Variants in FAAH2 observed in about 807,000 individuals in gnomAD.
FAAH2 encodes fatty-acid amide hydrolase 2.
Under a neutral mutation model 36.9 loss-of-function variants are expected in FAAH2, and 60 were observed. That is an observed-to-expected ratio of 1.63 (90% CI 1.32 to 2.02). The LOEUF is 2.02. Among genes scored for constraint, FAAH2 ranks in the 30% most tolerant of loss-of-function variants. The probability of loss-of-function intolerance (pLI) is 0.00; values close to 1 mark genes in which losing one functional copy is unlikely to be tolerated. For synonymous variants in FAAH2, 214 were observed against 143.8 expected (o/e 1.49, Z -3.49); for missense variants, 689 against 397.5 (o/e 1.73, Z -6.23).
chrX:57,432,135 T>A, intron 8 of FAAH2, 98 bp downstream of exon 8: 2 of 763,964 alleles, frequency 2.6e-6, no homozygotes, highest in East Asian at 3.8e-5. Context: ...GAAAAGAAAC[T>A]CATGAAAAAA....
chrX:57,470,130 G>A (rs1388618239), intron 10 of FAAH2, among the ~76,000 whole-genome samples: 1 of 111,272 alleles, frequency 9.0e-6, no homozygotes, highest in Non-Finnish European at 1.9e-5. Flanking sequence ...AGCACTAAAT[G>A]CCCACAAGAG....
upstream of FAAH2, among the ~76,000 whole-genome samples, chrX:57,283,173 T>A (rs181785961): frequency 5.4e-5 from 6 of 111,463 alleles, no homozygotes; most frequent in Admixed American, 3.8e-4. Context: ...TTTCTGGAGG[T>A]GTGGTTAAAG....
At chrX:57,475,143 T>A (rs1048873648) in intron 10 of FAAH2, among the ~76,000 whole-genome samples, 1 of 111,862 alleles carries the variant, frequency 8.9e-6, no homozygotes, top group African/African-American at 3.3e-5. Context: ...ATTTTGTAGG[T>A]TATCTGTTCA....
intron 9 of FAAH2, among the ~76,000 whole-genome samples, chrX:57,447,514 C>G (rs1438542654): frequency 3.6e-5 from 4 of 112,236 alleles, no homozygotes; most frequent in Non-Finnish European, 7.5e-5. Flanking sequence ...CAGCACACCT[C>G]TGTCTGGGCA....
the FAAH2 span, chrX:57,126,785 C>T: frequency 9.0e-6 from 1 of 110,740 alleles, no homozygotes; most frequent in East Asian, 2.8e-4. Flanking sequence ...TAATCCTGGT[C>T]AATTAAGCAT....
intron 7 of FAAH2, among the ~76,000 whole-genome samples, chrX:57,428,202 C>T (rs1410171033): frequency 9.0e-6 from 1 of 111,405 alleles, no homozygotes; most frequent in East Asian, 2.8e-4. Flanking sequence ...GTGAAAAATA[C>T]CTACAAGGAA....
At chrX:57,239,993 C>A in the FAAH2 span, among the ~76,000 whole-genome samples, 1 of 111,913 alleles carries the variant, frequency 8.9e-6, no homozygotes, top group Non-Finnish European at 1.9e-5. Flanking sequence ...TTTCTGTGAT[C>A]TTTGTTTCCA....
chrX:57,393,771 C>A, intron 7 of FAAH2: 1 of 932,364 alleles, frequency 1.1e-6, no homozygotes, highest in East Asian at 3.1e-5. Context: ...TCAAAGTGGA[C>A]CGTCTGTGTG....
At chrX:57,212,359 G>A in the FAAH2 span, among the ~76,000 whole-genome samples, 2 of 111,966 alleles carry the variant, frequency 1.8e-5, no homozygotes, top group Non-Finnish European at 3.8e-5. Flanking sequence ...TCTAACAATG[G>A]ATTCTAACCA....
chrX:57,322,888 T>C (rs2053076018), intron 3 of FAAH2, among the ~76,000 whole-genome samples: 1 of 110,139 alleles, frequency 9.1e-6, no homozygotes, highest in African/African-American at 3.3e-5. Flanking sequence ...AACATGCAGG[T>C]TTGTTACCTG....
chrX:57,260,191 G>A, the FAAH2 span, among the ~76,000 whole-genome samples: 1 of 111,599 alleles, frequency 9.0e-6, no homozygotes, highest in Non-Finnish European at 1.9e-5. Flanking sequence ...CTATTATAAA[G>A]CCATAGTAAT....
At chrX:57,426,980 T>C (rs1404191164) in intron 7 of FAAH2, among the ~76,000 whole-genome samples, 1 of 109,853 alleles carries the variant, frequency 9.1e-6, no homozygotes, top group Non-Finnish European at 1.9e-5. Context: ...ATAATGAAAA[T>C]TGACAGAACT....
chrX:57,489,141 T>A lies in FAAH2; in HGVS notation c.*209T>A. The A allele has an allele frequency of 2.5e-6, 1 of 403,388 alleles. No individual in the cohort carries two copies. The highest frequency in any genetic ancestry group is 4.1e-6 in the Non-Finnish European group (1 of 246,407). 33.2% of individuals were successfully genotyped at this position (403,388 alleles called of 1,213,427 possible). A position where few individuals can be genotyped will look rare whatever the true frequency, so the allele number is the denominator to read the frequency against. On this transcript the variant is annotated 3_prime_UTR_variant, in exon 11 of 11. Coordinates refer to ENST00000374900, the MANE Select transcript of FAAH2 (RefSeq NM_174912.4). ...TATTTGCTTCTTGCTTTTATGTTAC[T>A]GGAAAATTAGGACATGTAAATGGAT...
chrX:57,331,889 A>G (rs747013641), intron 4 of FAAH2, 82 bp downstream of exon 4: 35 of 954,318 alleles, frequency 3.7e-5, no homozygotes, highest in Non-Finnish European at 5.1e-5. Flanking sequence ...ATGATACAGT[A>G]TAGCATCTAT....
chrX:57,135,657 T>A, the FAAH2 span: 22 of 1,055,014 alleles, frequency 2.1e-5, no homozygotes, highest in Admixed American at 8.4e-4. Flanking sequence ...ATGTCATGTA[T>A]TCACAAATTT....
At chrX:57,353,083 C>T (rs1283345924) in intron 5 of FAAH2, among the ~76,000 whole-genome samples, 1 of 110,143 alleles carries the variant, frequency 9.1e-6, no homozygotes, top group Admixed American at 9.7e-5. Context: ...ACATCATTTT[C>T]ACAGTATTAT....
chrX:57,223,872 T>A, the FAAH2 span, among the ~76,000 whole-genome samples: 1 of 111,549 alleles, frequency 9.0e-6, no homozygotes, highest in Non-Finnish European at 1.9e-5. Context: ...CATCTCTACA[T>A]CCTTAGGTAT....
At chrX:57,385,778 G>A (rs775216320) in intron 7 of FAAH2, among the ~76,000 whole-genome samples, 45 of 110,724 alleles carry the variant, frequency 4.1e-4, no homozygotes, top group African/African-American at 1.3e-3. Flanking sequence ...CGCGGTGGCG[G>A]GCGCCTGTAG....
At chrX:57,468,349 A>G (rs1292175986) in intron 10 of FAAH2, among the ~76,000 whole-genome samples, 4 of 111,620 alleles carry the variant, frequency 3.6e-5, no homozygotes, top group Non-Finnish European at 5.6e-5. Context: ...AAAACGTTGA[A>G]AAAAGATTAG....
Sources: gnomAD v4.1 joint callset for allele counts (sites outside exome capture counted in the v4.1 genomes callset) on GRCh38, gnomAD v4.1.1 for gene constraint, MANE v1.5 for transcripts, NCBI Gene and HGNC (gene_info 2026-07-23, HGNC 2026-07-21) for gene names.